Variants in LARGE1 observed in about 807,000 individuals in gnomAD.
LARGE1 encodes the protein LARGE xylosyl- and glucuronyltransferase 1, also known as xylosyl- and glucuronyltransferase LARGE1.
In LARGE1, 43 loss-of-function variants were observed where a neutral mutation model predicts 87.6. The observed-to-expected ratio is 0.49, with a 90% CI of 0.38 to 0.63. The LOEUF is 0.63. Ranked by LOEUF, LARGE1 falls within the 30% of genes least tolerant of loss-of-function variation. The probability of loss-of-function intolerance (pLI) is 0.00; values close to 1 mark genes in which losing one functional copy is unlikely to be tolerated. For missense variants in LARGE1, 802 were observed against 1,000.2 expected (o/e 0.80, Z 2.67); for synonymous variants, 434 against 394.6 (o/e 1.10, Z -1.18).
chr22:33,119,265 T>C, the LARGE1 span, among the ~76,000 whole-genome samples: 1 of 152,222 alleles, frequency 6.6e-6, no homozygotes, highest in Non-Finnish European at 1.5e-5. Context: ...TTTGCAAATA[T>C]TTTAGTAACC....
At chr22:33,739,518 G>A (rs1204126120) in intron 2 of LARGE1, among the ~76,000 whole-genome samples, 1 of 152,232 alleles carries the variant, frequency 6.6e-6, no homozygotes, top group Non-Finnish European at 1.5e-5. Context: ...ATTTCTATTT[G>A]AGGGAGTATT....
At chr22:33,328,028 TAC>T (rs1411566520) in intron 10 of LARGE1, among the ~76,000 whole-genome samples, 2 of 152,312 alleles carry the variant, frequency 1.3e-5, no homozygotes, top group South Asian at 2.1e-4. Flanking sequence ...TCACAGAGCT[TAC>T]ATTCTAGTGG....
At chr22:33,921,042 G>A (rs1301041255), upstream of LARGE1, among the ~76,000 whole-genome samples, 3 of 150,346 alleles carry the variant, frequency 2.0e-5, no homozygotes, top group Admixed American at 6.6e-5. This position sits in a 1 kb window ranked among gnomAD's most constrained non-coding sequence, Gnocchi z 4.1. Flanking sequence ...CAGCCGGGGG[G>A]GACCGCGAGC....
rs1162181703 is a variant in LARGE1, at chr22:33,861,357, G to A, written c.-83+58638C>T. On this transcript the variant is annotated intron_variant, in intron 1 of 14. Transcript: ENST00000397394. ...AGGACCAAGCACTGCAACTCGGCTA[G>A]CTGTTCCTCACTCCCACTCCTCACC... Among the ~76,000 whole-genome samples the A allele has an allele frequency of 2.6e-5, 4 of 152,032 alleles. No individual in the cohort carries two copies. The South Asian group carries it at 6.2e-4, about 24-fold the overall frequency.
At chr22:33,496,142 G>A (rs146533810) in intron 6 of LARGE1, among the ~76,000 whole-genome samples, 10 of 152,230 alleles carry the variant, frequency 6.6e-5, no homozygotes, top group Non-Finnish European at 1.5e-4. Flanking sequence ...GAGAAAGATG[G>A]AGGCCAGAAG....
chr22:33,898,695 G>C (rs571846426), intron 1 of LARGE1, among the ~76,000 whole-genome samples: 1 of 152,136 alleles, frequency 6.6e-6, no homozygotes, highest in Non-Finnish European at 1.5e-5. Flanking sequence ...TGGAGGTTGT[G>C]GTGAGCCGAG....
chr22:33,572,824 C>A (rs962176918), intron 5 of LARGE1, among the ~76,000 whole-genome samples: 1 of 151,966 alleles, frequency 6.6e-6, no homozygotes, highest in African/African-American at 2.4e-5. Context: ...GAGCCAAGAT[C>A]GTGCCACTAC....
At position 33,886,620 on chromosome 22, in the gene LARGE1, G is replaced by A. The variant is rs79809602; in HGVS notation, c.-83+33375C>T. On this transcript the variant is annotated intron_variant, in intron 1 of 14. Coordinates refer to ENST00000397394, the MANE Select transcript of LARGE1 (RefSeq NM_133642.5). ...TGAACTCGGGAGGTTGCAGTGAGCC[G>A]AGATCATGCACCTGGACAACAGAGT... 8.3e-3 allele frequency among the ~76,000 whole-genome samples: 970 copies of A among 117,218 alleles called. 45 individuals carry two copies. In the East Asian group the frequency reaches 0.16, roughly 19 times the overall value. The allele number at this position is 117,218 out of a possible 152,430, so 76.9% of individuals were successfully genotyped here. A position where few individuals can be genotyped will look rare whatever the true frequency, so the allele number is the denominator to read the frequency against.
chr22:33,561,483 A>G (rs1471433426), intron 6 of LARGE1, among the ~76,000 whole-genome samples: 1 of 152,180 alleles, frequency 6.6e-6, no homozygotes, highest in Admixed American at 6.5e-5. Flanking sequence ...TGAGAAGCAT[A>G]CCATACCCAT....
chr22:33,606,097 C>T (rs992594878), intron 4 of LARGE1, among the ~76,000 whole-genome samples: 2 of 152,084 alleles, frequency 1.3e-5, no homozygotes, highest in African/African-American at 4.8e-5. Flanking sequence ...CATGAGAATG[C>T]AATGAAAGTT....
At chr22:33,790,778 T>C (rs2085797582) in intron 1 of LARGE1, among the ~76,000 whole-genome samples, 1 of 152,248 alleles carries the variant, frequency 6.6e-6, no homozygotes, top group Non-Finnish European at 1.5e-5. Flanking sequence ...TAATCTGACA[T>C]GCCAACTTCT....
chr22:33,895,315 G>A (rs561173700), intron 1 of LARGE1, among the ~76,000 whole-genome samples: 1 of 152,320 alleles, frequency 6.6e-6, no homozygotes, highest in Admixed American at 6.5e-5. Context: ...AGAAAACTAG[G>A]ATGGAATGGA....
intron 1 of LARGE1, among the ~76,000 whole-genome samples, chr22:33,892,158 A>AT (rs1011501266): frequency 3.1e-4 from 47 of 152,302 alleles, no homozygotes; most frequent in African/African-American, 1.1e-3. Flanking sequence ...TTGTTGCATA[A>AT]TAATGCTACC....
the LARGE1 span, among the ~76,000 whole-genome samples, chr22:33,083,337 A>G: frequency 1.3e-5 from 2 of 152,330 alleles, no homozygotes; most frequent in Admixed American, 1.3e-4. Context: ...TTAAGTCAGC[A>G]TCATTCAGAG....
chr22:33,921,204 C>T (rs2065941445), upstream of LARGE1, among the ~76,000 whole-genome samples: 1 of 152,090 alleles, frequency 6.6e-6, no homozygotes, highest in Non-Finnish European at 1.5e-5. This position sits in a 1 kb window ranked among gnomAD's most constrained non-coding sequence, Gnocchi z 4.1. Flanking sequence ...CGAGACTCCG[C>T]CCCGGTGCTT....
At chr22:33,567,862 A>T (rs955188530) in intron 5 of LARGE1, among the ~76,000 whole-genome samples, 8 of 152,078 alleles carry the variant, frequency 5.3e-5, no homozygotes, top group Non-Finnish European at 1.0e-4. Context: ...AACATGTGAT[A>T]TTTGATTTTC....
chr22:33,490,737 A>G (rs1364704402), intron 6 of LARGE1, among the ~76,000 whole-genome samples: 1 of 152,192 alleles, frequency 6.6e-6, no homozygotes, highest in African/African-American at 2.4e-5. Context: ...GACTCTTTAC[A>G]TCATCTCTGA....
intron 1 of LARGE1, among the ~76,000 whole-genome samples, chr22:33,871,045 C>G (rs1240387220): frequency 6.6e-6 from 1 of 152,208 alleles, no homozygotes; most frequent in Non-Finnish European, 1.5e-5. Context: ...TCTGGTGACA[C>G]AGCCCACATC....
At chr22:33,898,677 C>T (rs2065208992) in intron 1 of LARGE1, among the ~76,000 whole-genome samples, 1 of 152,208 alleles carries the variant, frequency 6.6e-6, no homozygotes, top group Non-Finnish European at 1.5e-5. Context: ...TCGCTTGAAC[C>T]CGGGAGGTGG....
Sources: gnomAD v4.1 joint callset for allele counts (sites outside exome capture counted in the v4.1 genomes callset) on GRCh38, gnomAD v4.1.1 for gene constraint, Gnocchi (gnomAD v3.1) non-coding constraint, MANE v1.5 for transcripts, NCBI Gene and HGNC (gene_info 2026-07-23, HGNC 2026-07-21) for gene names.